The following PDE3A variants were observed in gnomAD, a reference collection of about 807,000 sequenced individuals.
PDE3A encodes phosphodiesterase 3A.
PDE3A carries 43 observed loss-of-function variants against 98.3 expected under a neutral mutation model. The observed-to-expected ratio is 0.44, with a 90% confidence interval of 0.34 to 0.56. The LOEUF (loss-of-function observed/expected upper bound fraction) is 0.56. Among genes scored for constraint, PDE3A ranks in the 20% least tolerant of loss-of-function variants. The pLI is 0.01. For missense variants in PDE3A, 1,427 were observed against 1,440.7 expected, an observed-to-expected ratio of 0.99 and a Z score of 0.15; for synonymous variants, 663 against 567.9, an observed-to-expected ratio of 1.17 and a Z score of -2.38.
intron 2 of PDE3A, among the ~76,000 whole-genome samples, chr12:20,587,517 CAGAG>C (rs1274203904): frequency 8.5e-5 from 13 of 152,072 alleles, no homozygotes; most frequent in African/African-American, 3.1e-4. Context: ...ATTTCTTTGA[CAGAG>C]AGTACAAACA....
intron 2 of PDE3A, among the ~76,000 whole-genome samples, chr12:20,564,530 TA>T (rs1164895957): frequency 2.6e-5 from 4 of 152,062 alleles, no homozygotes; most frequent in East Asian, 3.9e-4. Context: ...ATGGCTAGGT[TA>T]GGGGGGAATG....
chr12:20,410,491 C>T (rs1170140295), intron 1 of PDE3A, among the ~76,000 whole-genome samples: 6 of 152,282 alleles, frequency 3.9e-5, no homozygotes, highest in African/African-American at 1.4e-4. Context: ...GATTCTTACT[C>T]TACTTCTTCC....
chr12:20,373,519 T>A (rs1943516556), intron 1 of PDE3A, among the ~76,000 whole-genome samples: 1 of 152,168 alleles, frequency 6.6e-6, no homozygotes, highest in African/African-American at 2.4e-5. Context: ...ATTCTCTTTA[T>A]AAATAAAGAA....
rs764095659 is a variant in PDE3A at position 20,646,869 on chromosome 12, G to T, written c.2484G>T (p.Ala828=). ...ATATCCCTGCCTTGGAGTTGATGGCGCTGTATGTGGCTGCAGCCATGCACG... is the reference window on the plus strand; with the variant it reads ...ATATCCCTGCCTTGGAGTTGATGGCTCTGTATGTGGCTGCAGCCATGCACG... The part of the protein sequence containing the change: ...SGNIPALELM[A]LYVAAAMHDY... Residue 828 remains alanine, a synonymous_variant, in exon 12 of 16, where the codon GCG becomes GCT. Coordinates refer to ENST00000359062, the MANE Select transcript of PDE3A (RefSeq NM_000921.5). 6.2e-7 allele frequency: 1 copy of T among 1,613,596 alleles called. No homozygotes were observed. Among genetic ancestry groups the T allele is most frequent in the South Asian group, 1.1e-5 (1 of 91,058 alleles).
intron 1 of PDE3A, among the ~76,000 whole-genome samples, chr12:20,504,325 T>A (rs757025970): frequency 7.9e-5 from 12 of 152,084 alleles, no homozygotes; most frequent in Non-Finnish European, 1.6e-4. Flanking sequence ...TTTTCTTTAA[T>A]CCTGAATGCT....
At chr12:20,429,706 A>T (rs66720652) in intron 1 of PDE3A, among the ~76,000 whole-genome samples, 27,653 of 152,162 alleles carry the variant, frequency 0.18, 2,729 homozygotes, top group Non-Finnish European at 0.21. Flanking sequence ...TGAAAGAGAA[A>T]GTTGAAATAC....
intron 1 of PDE3A, among the ~76,000 whole-genome samples, chr12:20,466,386 C>T (rs546804813): frequency 2.6e-5 from 4 of 152,264 alleles, no homozygotes; most frequent in South Asian, 4.1e-4. Flanking sequence ...GAATGCAAAG[C>T]AACAATTCTC....
At chr12:20,448,450 A>C (rs1474668090) in intron 1 of PDE3A, among the ~76,000 whole-genome samples, 4 of 152,148 alleles carry the variant, frequency 2.6e-5, no homozygotes, top group African/African-American at 9.7e-5. Context: ...TCCAGGGGGA[A>C]ATATTAGTGA....
At chr12:20,519,832 C>T (rs565569551) in intron 1 of PDE3A, among the ~76,000 whole-genome samples, 14 of 151,930 alleles carry the variant, frequency 9.2e-5, no homozygotes, top group East Asian at 1.9e-4. Flanking sequence ...ACTTTTGAGG[C>T]GGGTTTTGGA....
Position 20,621,321 on chromosome 12 carries a change from A to G in PDE3A, c.1450A>G (p.Met484Val), listed in dbSNP as rs552128450. ...TCCTGATTCTTGGAATAATCCAGTGATGATGACCCTCACCAAAAGCAGATC... is the reference window on the plus strand; with the variant it reads ...TCCTGATTCTTGGAATAATCCAGTGGTGATGACCCTCACCAAAAGCAGATC... ...SSPDSWNNPV[M>V]MTLTKSRSFT... The change falls in exon 5 of 16, where the codon ATG becomes GTG. Residue 484 changes from methionine (M) to valine (V), a missense_variant. By Grantham distance (21) the Met-to-Val change is conservative. This residue lies in a region of PDE3A where 1,012 missense variants were observed against 886.5 expected (regional missense o/e 1.14). Transcript: ENST00000359062. The G allele has an allele frequency of 1.2e-6, 2 of 1,601,028 alleles. No individual in the cohort carries two copies. The highest frequency in any genetic ancestry group is 4.5e-5 in the East Asian group (2 of 44,760).
rs1182056629 is a variant in PDE3A, at chr12:20,369,238, G to GA, written c.-47_-46insA. ...GCGCGCGCGCGTGGGTCGGGGCGGG[G>GA]GCGTCGGGGGGCCACTGGGAATTCA... On this transcript the variant is annotated 5_prime_UTR_variant, in exon 1 of 16. Transcript: ENST00000359062. 7.1e-7 allele frequency: 1 copy of GA among 1,411,252 alleles called. No individual in the cohort carries two copies. The highest frequency in any genetic ancestry group is 9.4e-7 in the Non-Finnish European group (1 of 1,058,478). The allele number at this position is 1,411,252 out of a possible 1,614,324, so 87.4% of individuals were successfully genotyped here. A position where few individuals can be genotyped will look rare whatever the true frequency, so the allele number is the denominator to read the frequency against.
chr12:20,537,666 G>T (rs188412374), intron 1 of PDE3A, among the ~76,000 whole-genome samples: 1 of 152,068 alleles, frequency 6.6e-6, no homozygotes, highest in Admixed American at 6.6e-5. Context: ...CAATATTAAA[G>T]GCCATATGAT....
intron 1 of PDE3A, among the ~76,000 whole-genome samples, chr12:20,537,363 C>G (rs1263023491): frequency 1.3e-5 from 2 of 151,928 alleles, no homozygotes; most frequent in East Asian, 3.9e-4. Flanking sequence ...CTTGTATTGT[C>G]TTTTCACTTT....
At chr12:20,384,171 T>A (rs1402484533) in intron 1 of PDE3A, among the ~76,000 whole-genome samples, 1 of 140,896 alleles carries the variant, frequency 7.1e-6, no homozygotes, top group Non-Finnish European at 1.5e-5. Context: ...TAAAAATATC[T>A]GATTGGGTTG....
chr12:20,424,782 A>C (rs1944577144), intron 1 of PDE3A, among the ~76,000 whole-genome samples: 1 of 152,188 alleles, frequency 6.6e-6, no homozygotes, highest in South Asian at 2.1e-4. Flanking sequence ...TATAATATTG[A>C]AAAGAACAAT....
intron 15 of PDE3A, among the ~76,000 whole-genome samples, chr12:20,654,786 A>G (rs1945005135): frequency 6.7e-6 from 1 of 148,864 alleles, no homozygotes; most frequent in African/African-American, 2.5e-5. Context: ...TGCTGGGATT[A>G]CAGGCGTGAG....
In PDE3A at chr12:20,646,784, G is replaced by A; in HGVS notation, c.2399G>A (p.Gly800Glu). Residue 800 changes from glycine to glutamate, a missense_variant, in exon 12 of 16, where the codon GGA (glycine) becomes GAA (glutamate). This residue lies in a region of PDE3A where 273 missense variants were observed against 420.3 expected (regional missense o/e 0.65). Coordinates refer to ENST00000359062, the MANE Select transcript of PDE3A (RefSeq NM_000921.5). ...AGTGGATTTACACATGGACATATGG[G>A]ATATGTATTCTCAAAAACGTATAAT... is the stretch of plus-strand genomic sequence containing the variant. ...SDSGFTHGHM[G>E]YVFSKTYNVT... The A allele has an allele frequency of 6.2e-7, 1 of 1,604,400 alleles. No homozygotes were observed. Among genetic ancestry groups the A allele is most frequent in the South Asian group, 1.1e-5 (1 of 90,866 alleles).
At chr12:20,577,152 CA>C (rs2121329545) in intron 2 of PDE3A, among the ~76,000 whole-genome samples, 1 of 151,844 alleles carries the variant, frequency 6.6e-6, no homozygotes, top group Admixed American at 6.6e-5. Context: ...CAAGGAATTA[CA>C]GAAGAGTTTT....
At chr12:20,486,416 T>C (rs907502376) in intron 1 of PDE3A, among the ~76,000 whole-genome samples, 12 of 152,098 alleles carry the variant, frequency 7.9e-5, no homozygotes, top group African/African-American at 2.7e-4. Context: ...CCACTTGGTG[T>C]CTCCCTTGAC....
Sources: gnomAD v4.1 joint callset for allele counts (sites outside exome capture counted in the v4.1 genomes callset) on GRCh38, gnomAD v4.1.1 for gene constraint, gnomAD v4.1.1 regional missense constraint, MANE v1.5 for transcripts, NCBI Gene and HGNC (gene_info 2026-07-23, HGNC 2026-07-21) for gene names.